TAFA2: variants seen among roughly 807,000 people sequenced by gnomAD.
TAFA2 encodes the protein TAFA chemokine like family member 2.
In TAFA2, 7 loss-of-function variants were observed where a neutral mutation model predicts 18.8. The ratio of observed to expected loss-of-function variants is 0.37; its 90% CI spans 0.21 to 0.70. TAFA2 has a LOEUF of 0.70. Ranked by LOEUF, TAFA2 falls within the 30% of genes least tolerant of loss-of-function variation. The probability of loss-of-function intolerance (pLI) is 0.53; values close to 1 mark genes in which losing one functional copy is unlikely to be tolerated. For synonymous variants in TAFA2, 60 were observed against 54.2 expected (o/e 1.11, Z -0.47); for missense variants, 122 against 158.1 (o/e 0.77, Z 1.23).
Position 61,847,145 on chromosome 12 carries a change from C to A in TAFA2, c.106+20175G>T, listed in dbSNP as rs75178680. ...CTAGTAATTTTACTTTTTTGTTCAACGTTAAGAAGAACTTTTCTGTATTAT... is the reference window on the plus strand; with the variant it reads ...CTAGTAATTTTACTTTTTTGTTCAAAGTTAAGAAGAACTTTTCTGTATTAT... On this transcript the variant is annotated intron_variant, in intron 2 of 4. Coordinates refer to ENST00000416284, the MANE Select transcript of TAFA2 (RefSeq NM_178539.5). Among the ~76,000 whole-genome samples the A allele has an allele frequency of 2.6e-5, 4 of 152,250 alleles. No homozygotes were observed. In the South Asian group the frequency reaches 8.3e-4, roughly 32 times the overall value.
chr12:61,963,676 G>A (rs1878967370), intron 1 of TAFA2, among the ~76,000 whole-genome samples: 1 of 151,814 alleles, frequency 6.6e-6, no homozygotes, highest in African/African-American at 2.4e-5. Flanking sequence ...TAGATTCGAT[G>A]CTATCCCCAT....
intron 4 of TAFA2, among the ~76,000 whole-genome samples, chr12:61,719,339 T>C (rs1413046864): frequency 2.0e-5 from 3 of 152,198 alleles, no homozygotes; most frequent in Admixed American, 2.0e-4. Flanking sequence ...GATGTCACAA[T>C]GGATGCAAAT....
At chr12:61,900,000 T>C (rs1221033974) in intron 1 of TAFA2, among the ~76,000 whole-genome samples, 1 of 152,182 alleles carries the variant, frequency 6.6e-6, no homozygotes, top group East Asian at 1.9e-4. Flanking sequence ...GGGAAGACTG[T>C]ATTTCGAAGC....
At chr12:62,234,609 T>G in intron 1 of TAFA2, 1 of 820,914 alleles carries the variant, frequency 1.2e-6, no homozygotes, top group Non-Finnish European at 2.2e-6. Flanking sequence ...GTTGCACAAA[T>G]AGGGCCTCTC....
intron 1 of TAFA2, among the ~76,000 whole-genome samples, chr12:61,886,290 T>C (rs1448358344): frequency 6.6e-6 from 1 of 152,172 alleles, no homozygotes; most frequent in Non-Finnish European, 1.5e-5. Context: ...GTTCTGGAAA[T>C]TGAGCTTCTA....
intron 2 of TAFA2, among the ~76,000 whole-genome samples, chr12:61,846,832 A>G (rs550271271): frequency 1.3e-5 from 2 of 152,328 alleles, no homozygotes; most frequent in Non-Finnish European, 2.9e-5. Flanking sequence ...TAACTGTGAC[A>G]TTAGTGTGGT....
intron 1 of TAFA2, among the ~76,000 whole-genome samples, chr12:62,125,746 G>A (rs1870431220): frequency 6.6e-6 from 1 of 151,998 alleles, no homozygotes; most frequent in African/African-American, 2.4e-5. Context: ...GCGTCGAACT[G>A]CCTGGGTTCA....
intron 1 of TAFA2, among the ~76,000 whole-genome samples, chr12:62,189,152 A>G (rs2062605437): frequency 6.6e-6 from 1 of 151,990 alleles, no homozygotes; most frequent in Non-Finnish European, 1.5e-5. Flanking sequence ...CTAAAGTACT[A>G]AATTTTTTAA....
rs1156249087 is a variant in TAFA2, at chr12:61,826,584, T to C, written c.106+40736A>G. ...CCACAAAGCAAATAATTTATGAATA[T>C]TTGAATGCCAATGTGTCATATGGGC... On this transcript the variant is annotated intron_variant, in intron 2 of 4. Coordinates refer to ENST00000416284, the MANE Select transcript of TAFA2 (RefSeq NM_178539.5). Among the ~76,000 whole-genome samples, 4 of 152,038 alleles carry C rather than the reference T, an allele frequency of 2.6e-5. No individual in the cohort carries two copies. The East Asian group carries it at 7.7e-4, about 29-fold the overall frequency.
chr12:62,083,663 G>A (rs1868357560), intron 1 of TAFA2, among the ~76,000 whole-genome samples: 1 of 151,982 alleles, frequency 6.6e-6, no homozygotes, highest in Non-Finnish European at 1.5e-5. Flanking sequence ...TAAGAAATTT[G>A]GTTCATCTTC....
intron 1 of TAFA2, among the ~76,000 whole-genome samples, chr12:61,931,483 G>A (rs1409562107): frequency 6.6e-6 from 1 of 152,204 alleles, no homozygotes; most frequent in Non-Finnish European, 1.5e-5. Context: ...TCTGTAATAA[G>A]CATATTCTAC....
At chr12:61,951,684 A>AT (rs1878472744) in intron 1 of TAFA2, among the ~76,000 whole-genome samples, 1 of 152,054 alleles carries the variant, frequency 6.6e-6, no homozygotes, top group Admixed American at 6.6e-5. Flanking sequence ...ATAGTGTATC[A>AT]TTTTTTCTTT....
At chr12:62,230,623 C>G (rs1452033194) in intron 1 of TAFA2, among the ~76,000 whole-genome samples, 1 of 151,994 alleles carries the variant, frequency 6.6e-6, no homozygotes, top group Non-Finnish European at 1.5e-5. Flanking sequence ...TGTTTTGTGG[C>G]CTAACATAAG....
intron 1 of TAFA2, among the ~76,000 whole-genome samples, chr12:61,930,124 G>A (rs1877494011): frequency 1.3e-5 from 2 of 151,900 alleles, no homozygotes; most frequent in Non-Finnish European, 2.9e-5. Context: ...CCTACACGTT[G>A]TGCACATGTA....
intron 1 of TAFA2, among the ~76,000 whole-genome samples, chr12:61,898,183 A>G (rs923926564): frequency 2.0e-5 from 3 of 152,244 alleles, no homozygotes; most frequent in Non-Finnish European, 2.9e-5. Flanking sequence ...TGCAGGGTAC[A>G]GCCCCACCCA....
chr12:61,916,727 T>C (rs1314975898), intron 1 of TAFA2, among the ~76,000 whole-genome samples: 5 of 152,316 alleles, frequency 3.3e-5, no homozygotes, highest in Middle Eastern at 3.4e-3. Flanking sequence ...TAGAAATACC[T>C]GAGCCACGAG....
At chr12:62,018,713 CA>C (rs1435872364) in intron 1 of TAFA2, among the ~76,000 whole-genome samples, 1 of 152,022 alleles carries the variant, frequency 6.6e-6, no homozygotes, top group African/African-American at 2.4e-5. Context: ...CCTAAAACCA[CA>C]AAAACCCTAG....
At chr12:62,240,883 C>A (rs1592415949) in intron 1 of TAFA2, among the ~76,000 whole-genome samples, 1 of 152,098 alleles carries the variant, frequency 6.6e-6, no homozygotes, top group Admixed American at 6.5e-5. Flanking sequence ...GTGAACGGTG[C>A]ATGGGAGGGA....
intron 1 of TAFA2, among the ~76,000 whole-genome samples, chr12:62,028,271 C>A (rs779421491): frequency 2.0e-5 from 3 of 152,130 alleles, no homozygotes; most frequent in African/African-American, 4.8e-5. Context: ...GGATCAATAA[C>A]CTCGTCTATC....
Sources: allele counts gnomAD v4.1 joint callset (sites outside exome capture counted in the v4.1 genomes callset), GRCh38; gene constraint gnomAD v4.1.1; transcripts MANE v1.5; gene names NCBI Gene and HGNC (gene_info 2026-07-23, HGNC 2026-07-21).